RPS7: variants seen among roughly 807,000 people sequenced by gnomAD.
RPS7 encodes the protein small ribosomal subunit protein eS7.
RPS7 carries 1 observed loss-of-function variant against 22.1 expected under a neutral mutation model. The ratio of observed to expected loss-of-function variants is 0.05; its 90% CI spans 0.02 to 0.21. The LOEUF is 0.21. Ranked by LOEUF, RPS7 falls within the 10% of genes least tolerant of loss-of-function variation. RPS7 has a pLI of 1.00. For synonymous variants in RPS7, 80 were observed against 92.0 expected (o/e 0.87, Z 0.74); for missense variants, 137 against 246.4 (o/e 0.56, Z 2.97).
Position 3,575,326 on chromosome 2 carries a change from T to C in RPS7, c.-43T>C, listed in dbSNP as rs2147818835. The C allele has an allele frequency of 4.0e-6, 2 of 503,416 alleles. No individual in the cohort carries two copies. Among genetic ancestry groups the C allele is most frequent in the Admixed American group, 7.5e-5 (2 of 26,678 alleles). 31.2% of individuals were successfully genotyped at this position (503,416 alleles called of 1,614,324 possible). On this transcript the variant is annotated 5_prime_UTR_variant, in exon 1 of 7. Coordinates refer to ENST00000645674, the MANE Select transcript of RPS7 (RefSeq NM_001011.4). ...GACGTGCTCTCGCGAGATTTGGGTC[T>C]CTTCCTAAGCCGGCGCTCGGCAAGG...
rs1008303380 is a variant in RPS7, at chr2:3,575,329, T to A, written c.-40T>A. ...GTGCTCTCGCGAGATTTGGGTCTCT[T>A]CCTAAGCCGGCGCTCGGCAAGGTAG... is the stretch of plus-strand genomic sequence containing the variant. On this transcript the variant is annotated 5_prime_UTR_variant, in exon 1 of 7. Transcript: ENST00000645674. 1.6e-5 allele frequency: 8 copies of A among 516,036 alleles called. No individual in the cohort carries two copies. The highest frequency in any genetic ancestry group is 2.4e-5 in the Non-Finnish European group (7 of 289,678). 32.0% of individuals were successfully genotyped at this position (516,036 alleles called of 1,614,324 possible). A position where few individuals can be genotyped will look rare whatever the true frequency, so the allele number is the denominator to read the frequency against.
At chr2:3,577,076 C>A in intron 4 of RPS7, 1 of 242,360 alleles carries the variant, frequency 4.1e-6, no homozygotes, top group Non-Finnish European at 8.2e-6. Context: ...TGGCTCACTC[C>A]TGTAATCCCA....
Position 3,575,863 on chromosome 2 carries a change from G to C in RPS7, c.122G>C (p.Arg41Thr). 6.2e-7 allele frequency: 1 copy of C among 1,610,828 alleles called. No homozygotes were observed. Among genetic ancestry groups the C allele is most frequent in the Non-Finnish European group, 8.5e-7 (1 of 1,178,912 alleles). ...AACTCGGACCTCAAGGCTCAGCTCA[G>C]GGAGCTGAATATTACGGCAGCTAAG... ...EMNSDLKAQL[R>T]ELNITAAKEI... Residue 41 changes from arginine (R) to threonine (T), a missense_variant, in exon 3 of 7, where the codon AGG becomes ACG. Physicochemically the swap from Arg to Thr is moderately conservative, Grantham distance 71. Around this residue, in one of 2 missense-constraint regions of RPS7, gnomAD observed 63 missense variants for 75.0 expected, o/e 0.84. Coordinates refer to ENST00000645674, the MANE Select transcript of RPS7 (RefSeq NM_001011.4).
chr2:3,578,137 ATTGGAGGT>A, intron 5 of RPS7: 1 of 190,944 alleles, frequency 5.2e-6, no homozygotes, highest in Non-Finnish European at 1.1e-5. Context: ...TTTGCTGTGG[ATTGGAGGT>A]AAAAAAATGT....
chr2:3,578,351 T>G (rs1661332268), intron 5 of RPS7: 1 of 153,342 alleles, frequency 6.5e-6, no homozygotes, highest in African/African-American at 2.4e-5. Flanking sequence ...ATGTGAACTA[T>G]TAAATCCCTG....
At chr2:3,579,760 G>C in intron 5 of RPS7, 1 of 375,882 alleles carries the variant, frequency 2.7e-6, no homozygotes, top group Non-Finnish European at 5.0e-6. Flanking sequence ...TTATTGTAGT[G>C]ATTTAGTTGA....
At position 3,577,527 on chromosome 2, in the gene RPS7, G is replaced by A; in HGVS notation, c.292-183G>A. On this transcript the variant is annotated intron_variant, in intron 4 of 6. Transcript: ENST00000645674. Reference sequence around the variant, plus strand: ...TGTGGATTCTGAATGATTTATTCAAGAATCAGGAAGTAACTCCATAGAAGG... The same window carrying A: ...TGTGGATTCTGAATGATTTATTCAAAAATCAGGAAGTAACTCCATAGAAGG... 3 of 608,692 alleles carry A rather than the reference G, an allele frequency of 4.9e-6. No individual in the cohort carries two copies. The South Asian group carries it at 6.0e-5, about 12-fold the overall frequency. The allele number at this position is 608,692 out of a possible 1,614,324, so 37.7% of individuals were successfully genotyped here. A position where few individuals can be genotyped will look rare whatever the true frequency, so the allele number is the denominator to read the frequency against.
intron 4 of RPS7, 133 bp downstream of exon 4, chr2:3,576,763 C>G (rs1235313650): frequency 1.7e-6 from 2 of 1,166,660 alleles, no homozygotes; most frequent in Admixed American, 1.7e-5. Flanking sequence ...AGATAAAGTA[C>G]AGGCAGAGCG....
At chr2:3,576,367 C>G in intron 3 of RPS7, 120 bp from the exon 4 acceptor site, 1 of 863,202 alleles carries the variant, frequency 1.2e-6, no homozygotes, top group Non-Finnish European at 2.0e-6. Flanking sequence ...TAACTCAAAA[C>G]TAGTATTAGT....
intron 6 of RPS7, 119 bp downstream of exon 6, chr2:3,580,379 T>C: frequency 1.2e-6 from 1 of 869,064 alleles, no homozygotes; most frequent in Non-Finnish European, 1.9e-6. Flanking sequence ...CTAGTTCTTT[T>C]ACCCGCACTT....
At chr2:3,579,954 G>T in intron 5 of RPS7, 156 bp from the exon 6 acceptor site, 1 of 747,364 alleles carries the variant, frequency 1.3e-6, no homozygotes. Context: ...CTTTAGTTTG[G>T]TACGTGAAAT....
chr2:3,577,927 G>T, intron 5 of RPS7, 153 bp downstream of exon 5: 2 of 635,266 alleles, frequency 3.1e-6, no homozygotes, highest in Middle Eastern at 3.0e-4. Context: ...ATACGTTTTA[G>T]AATTCTAGAT....
At chr2:3,580,057 T>A (rs1182281595) in intron 5 of RPS7, 53 bp from the exon 6 acceptor site, 1 of 1,558,754 alleles carries the variant, frequency 6.4e-7, no homozygotes, top group Non-Finnish European at 8.9e-7. Flanking sequence ...CCTCTGGAGT[T>A]GCCCAGAGGG....
chr2:3,576,053 G>C, intron 3 of RPS7, 165 bp downstream of exon 3: 1 of 673,184 alleles, frequency 1.5e-6, no homozygotes. Flanking sequence ...GCCCAGGTGC[G>C]GGGAGTGGGG....
chr2:3,578,011 C>T, intron 5 of RPS7: 1 of 556,400 alleles, frequency 1.8e-6, no homozygotes, highest in Non-Finnish European at 3.2e-6. Flanking sequence ...AGATGATTTC[C>T]TCCGATTATT....
At position 3,575,907 on chromosome 2, in the gene RPS7, G is replaced by A. The variant is rs753807763; in HGVS notation, c.147+19G>A. ...AGCTAAGGTAAGCTGGCGCTCCCTC[G>A]GCTGGGAGGGAGGTTGCGGCGCGTC... On this transcript the variant is annotated intron_variant, in intron 3 of 6. Coordinates refer to ENST00000645674, the MANE Select transcript of RPS7 (RefSeq NM_001011.4). The A allele has an allele frequency of 2.5e-6, 4 of 1,569,780 alleles. No homozygotes were observed. Among genetic ancestry groups the A allele is most frequent in the Non-Finnish European group, 3.5e-6 (4 of 1,146,506 alleles).
intron 6 of RPS7, 94 bp from the exon 7 acceptor site, chr2:3,580,710 GA>G: frequency 1.2e-6 from 1 of 811,292 alleles, no homozygotes; most frequent in Non-Finnish European, 2.1e-6. Flanking sequence ...TTGCTGAGGA[GA>G]AAAACAATAC....
At chr2:3,576,897 A>G in intron 4 of RPS7, 1 of 494,354 alleles carries the variant, frequency 2.0e-6, no homozygotes, top group Non-Finnish European at 3.7e-6. Context: ...TTTTAAAAAG[A>G]AAGATAAAGT....
chr2:3,575,283 C>T lies in RPS7; in HGVS notation c.-86C>T, dbSNP rs186304514. ...TCCTCGCGCTGTTTCCGCCTCTTGC[C>T]TTCGGACGCCGGATTTTGACGTGCT... On this transcript the variant is annotated 5_prime_UTR_variant, in exon 1 of 7. Transcript: ENST00000645674. 22 of 419,976 alleles carry T rather than the reference C, an allele frequency of 5.2e-5. No individual in the cohort carries two copies. In the East Asian group the frequency reaches 9.5e-4, roughly 18 times the overall value. The allele number at this position is 419,976 out of a possible 1,614,324, so 26.0% of individuals were successfully genotyped here. A position where few individuals can be genotyped will look rare whatever the true frequency, so the allele number is the denominator to read the frequency against.
Sources: allele counts gnomAD v4.1 joint callset, GRCh38; gene constraint gnomAD v4.1.1; regional missense constraint gnomAD v4.1.1; transcripts MANE v1.5; gene names NCBI Gene and HGNC (gene_info 2026-07-23, HGNC 2026-07-21).